The following ZBTB38 variants were observed in gnomAD, a reference collection of about 807,000 sequenced individuals.
ZBTB38 encodes zinc finger and BTB domain containing 38, also known as zinc finger and BTB domain-containing protein 38.
A neutral mutation model predicts 76.8 loss-of-function variants in ZBTB38; 20 were observed. The observed-to-expected ratio is 0.26, with a 90% CI of 0.18 to 0.38. ZBTB38 has a LOEUF of 0.38. ZBTB38 is among the 10% of genes least tolerant of loss of function. ZBTB38 has a pLI of 1.00. For synonymous variants in ZBTB38, 504 were observed against 544.2 expected (o/e 0.93, Z 1.03); for missense variants, 1,082 against 1,482.3 (o/e 0.73, Z 4.43).
intron 1 of ZBTB38, among the ~76,000 whole-genome samples, chr3:141,340,372 T>C (rs1416339872): frequency 6.6e-6 from 1 of 152,192 alleles, no homozygotes; most frequent in Non-Finnish European, 1.5e-5. Context: ...CTATGAGAGA[T>C]TCAATTGAAT....
chr3:141,401,680 T>TA lies in ZBTB38; in HGVS notation c.-105-2236dup, dbSNP rs1182551021. Among the ~76,000 whole-genome samples the TA allele has an allele frequency of 4.9e-3, 707 of 145,756 alleles. 2 individuals are homozygous for TA. Among genetic ancestry groups the TA allele is most frequent in the Middle Eastern group, 0.021 (6 of 284 alleles). On this transcript the variant is annotated intron_variant, in intron 4 of 5. Transcript: ENST00000321464. ...CAAAACACAGGGAACATGGACGATTTAAAAAAAAAAACACCTGTCCATTAT... is the reference window on the plus strand; with the variant it reads ...CAAAACACAGGGAACATGGACGATTTAAAAAAAAAAAACACCTGTCCATTAT...
chr3:141,353,900 G>C (rs1331057570), intron 1 of ZBTB38, among the ~76,000 whole-genome samples: 1 of 152,130 alleles, frequency 6.6e-6, no homozygotes, highest in Non-Finnish European at 1.5e-5. Flanking sequence ...CCTCCGGCAA[G>C]TGTGGTCTTG....
intron 1 of ZBTB38, among the ~76,000 whole-genome samples, chr3:141,355,422 C>G (rs1019447030): frequency 6.6e-6 from 1 of 152,016 alleles, no homozygotes; most frequent in Non-Finnish European, 1.5e-5. Flanking sequence ...ATTCATAGAC[C>G]GTGGTGGTTG....
intron 5 of ZBTB38, chr3:141,426,309 G>T (rs2076370754): frequency 1.5e-6 from 1 of 679,950 alleles, no homozygotes; most frequent in Non-Finnish European, 2.2e-6. Context: ...TGATATCATT[G>T]ATCTCAAATT....
intron 2 of ZBTB38, among the ~76,000 whole-genome samples, chr3:141,371,644 A>G (rs1288549212): frequency 6.6e-6 from 1 of 152,208 alleles, no homozygotes; most frequent in East Asian, 1.9e-4. Flanking sequence ...GGCCCAGCCG[A>G]GAAACATTTA....
intron 1 of ZBTB38, among the ~76,000 whole-genome samples, chr3:141,345,110 A>G (rs1943309097): frequency 6.6e-6 from 1 of 152,176 alleles, no homozygotes; most frequent in Admixed American, 6.5e-5. Flanking sequence ...CCTCTCTCAC[A>G]CGAACTACCA....
chr3:141,358,983 C>T (rs923668189), intron 1 of ZBTB38, among the ~76,000 whole-genome samples: 1 of 152,130 alleles, frequency 6.6e-6, no homozygotes, highest in Non-Finnish European at 1.5e-5. Context: ...ATTAGGAGGC[C>T]AGTGAGTAGC....
Position 141,444,447 on chromosome 3 carries a change from C to A in ZBTB38, c.2059C>A (p.Arg687=). The A allele has an allele frequency of 6.2e-7, 1 of 1,614,016 alleles. No homozygotes were observed. Among genetic ancestry groups the A allele is most frequent in the South Asian group, 1.1e-5 (1 of 91,082 alleles). ...STENAVSSDL[R]AGDVPVLSLS... The stretch of plus-strand genomic sequence containing the variant: ...TGAAAATGCTGTCAGTTCTGACCTC[C>A]GGGCAGGGGATGTACCTGTTTTATC... Residue 687 remains arginine (R), a synonymous_variant, in exon 6 of 6, where the codon CGG becomes AGG. Coordinates refer to ENST00000321464, the MANE Select transcript of ZBTB38 (RefSeq NM_001376113.1). The surrounding 1 kb of genome is among the most constrained non-coding windows in gnomAD (Gnocchi z 5.1).
At chr3:141,395,399 G>A (rs1027650459) in intron 4 of ZBTB38, among the ~76,000 whole-genome samples, 1 of 152,178 alleles carries the variant, frequency 6.6e-6, no homozygotes, top group African/African-American at 2.4e-5. Flanking sequence ...TGGTGATGTG[G>A]AACTTTAGCG....
intron 5 of ZBTB38, 75 bp downstream of exon 5, chr3:141,404,106 A>G (rs993544189): frequency 6.6e-6 from 1 of 152,214 alleles, no homozygotes; most frequent in Non-Finnish European, 1.5e-5. Flanking sequence ...CAAAGGGTAT[A>G]TGATTCAAGA....
intron 5 of ZBTB38, among the ~76,000 whole-genome samples, chr3:141,417,879 T>C (rs2074428652): frequency 6.6e-6 from 1 of 152,044 alleles, no homozygotes; most frequent in Admixed American, 6.5e-5. Context: ...GCTGGCGTAG[T>C]GGTGCATGCC....
intron 4 of ZBTB38, chr3:141,403,165 T>C (rs1296734224): frequency 6.6e-6 from 1 of 152,238 alleles, no homozygotes; most frequent in Non-Finnish European, 1.5e-5. Context: ...AAGTGCCTAA[T>C]TCCATTCTGG....
intron 5 of ZBTB38, among the ~76,000 whole-genome samples, chr3:141,405,538 T>C (rs947709824): frequency 1.3e-5 from 2 of 152,218 alleles, no homozygotes; most frequent in Admixed American, 1.3e-4. Flanking sequence ...AGACTGTGGG[T>C]ATTCAAAAGT....
At chr3:141,358,663 C>G (rs1029180551) in intron 1 of ZBTB38, among the ~76,000 whole-genome samples, 1 of 152,142 alleles carries the variant, frequency 6.6e-6, no homozygotes, top group Non-Finnish European at 1.5e-5. Context: ...AACATAGTCA[C>G]TTTTAGGAAA....
At chr3:141,341,873 G>C (rs1375698100) in intron 1 of ZBTB38, among the ~76,000 whole-genome samples, 1 of 152,208 alleles carries the variant, frequency 6.6e-6, no homozygotes, top group African/African-American at 2.4e-5. Flanking sequence ...TGATACGACA[G>C]ATTTGTTGTT....
At chr3:141,408,837 G>T (rs1345507930) in intron 5 of ZBTB38, among the ~76,000 whole-genome samples, 1 of 152,186 alleles carries the variant, frequency 6.6e-6, no homozygotes, top group Non-Finnish European at 1.5e-5. Context: ...GATGCTGATG[G>T]CCTGGAGCCT....
intron 4 of ZBTB38, chr3:141,392,999 T>C (rs1209125977): frequency 6.6e-6 from 1 of 152,220 alleles, no homozygotes; most frequent in Non-Finnish European, 1.5e-5. Flanking sequence ...TTGCACTTTT[T>C]CCCCCTTAAT....
intron 5 of ZBTB38, among the ~76,000 whole-genome samples, chr3:141,429,484 A>G (rs1185703552): frequency 6.6e-6 from 1 of 152,094 alleles, no homozygotes; most frequent in East Asian, 1.9e-4. Flanking sequence ...TTTCAAATGC[A>G]TGGTCATGTC....
At chr3:141,429,854 T>G (rs1577369854) in intron 5 of ZBTB38, among the ~76,000 whole-genome samples, 1 of 151,698 alleles carries the variant, frequency 6.6e-6, no homozygotes, top group African/African-American at 2.4e-5. Flanking sequence ...GCAGGTAGAG[T>G]CCGCCCAGGG....
Sources: gnomAD v4.1 joint callset for allele counts (sites outside exome capture counted in the v4.1 genomes callset) on GRCh38, gnomAD v4.1.1 for gene constraint, Gnocchi (gnomAD v3.1) non-coding constraint, MANE v1.5 for transcripts, NCBI Gene and HGNC (gene_info 2026-07-23, HGNC 2026-07-21) for gene names.